Variants in ING4 observed in about 807,000 individuals in gnomAD.
The protein encoded by ING4 is inhibitor of growth protein 4.
A neutral mutation model predicts 33.1 loss-of-function variants in ING4; 28 were observed. The ratio of observed to expected loss-of-function variants is 0.85; its 90% CI spans 0.63 to 1.16. The LOEUF is 1.16. Among genes scored for constraint, ING4 ranks in the 50% most tolerant of loss-of-function variants. The pLI is 0.00. For missense variants in ING4, 247 were observed against 314.7 expected, an observed-to-expected ratio of 0.78 and a Z score of 1.63; for synonymous variants, 87 against 104.4, an observed-to-expected ratio of 0.83 and a Z score of 1.02.
chr12:6,651,077 G>T lies in ING4; in HGVS notation c.*118C>A, dbSNP rs1172843515. 1.8e-6 allele frequency: 2 copies of T among 1,132,534 alleles called. No homozygotes were observed. The highest frequency in any genetic ancestry group is 1.3e-5 in the South Asian group (1 of 75,688). The allele number at this position is 1,132,534 out of a possible 1,614,324, so 70.2% of individuals were successfully genotyped here. On this transcript the variant is annotated 3_prime_UTR_variant, in exon 8 of 8. Transcript: ENST00000341550. ...GTGGGGAGAGGGGAGGAGAAGGGATGACAGCACTGTGCCATCCACTCCTCC... is the reference window on the plus strand; with the variant it reads ...GTGGGGAGAGGGGAGGAGAAGGGATTACAGCACTGTGCCATCCACTCCTCC...
In ING4 at chr12:6,650,630, TACATGTGAGTTATCTGC is replaced by T. The variant is rs1949150218; in HGVS notation, c.*548_*564del. On this transcript the variant is annotated 3_prime_UTR_variant, in exon 8 of 8. Transcript: ENST00000341550. ...TTTATTTACCTACCCAAGTTCCTTT[TACATGTGAGTTATCTGC>T]ATTCCACCTTGCCCCCTCTCCCAGG... 6.4e-6 allele frequency: 1 copy of T among 155,758 alleles called. No individual in the cohort carries two copies. The highest frequency in any genetic ancestry group is 2.4e-5 in the African/African-American group (1 of 41,496). The allele number at this position is 155,758 out of a possible 1,614,324, so 9.6% of individuals were successfully genotyped here.
At chr12:6,653,433 T>C in intron 2 of ING4, 37 bp from the exon 3 acceptor site, 1 of 1,591,846 alleles carries the variant, frequency 6.3e-7, no homozygotes, top group Non-Finnish European at 8.6e-7. Context: ...CAATGGCCCC[T>C]GAGTGGCTAG....
At position 6,659,327 on chromosome 12, in the gene ING4, G is replaced by A. The variant is rs539835353; in HGVS notation, c.38-2529C>T. On this transcript the variant is annotated intron_variant, in intron 1 of 7. Transcript: ENST00000341550. ...TTCTAGCACTTTGGGAGGCCGAGGC[G>A]GGTGGCTCACTTGAAGCCAGGAGTT... 1.3e-4 allele frequency among the ~76,000 whole-genome samples: 20 copies of A among 152,008 alleles called. 1 individual carries two copies. In the East Asian group the frequency reaches 1.4e-3, roughly 10 times the overall value.
Position 6,651,009 on chromosome 12 carries a change from G to T in ING4, c.*186C>A. ...AGAGCACATACCGTTAGTGGCTGCG[G>T]CACCCCTCCCTACCAGGGTCTGATG... On this transcript the variant is annotated 3_prime_UTR_variant, in exon 8 of 8. Coordinates refer to ENST00000341550, the MANE Select transcript of ING4 (RefSeq NM_016162.4). 1.5e-6 allele frequency: 1 copy of T among 665,992 alleles called. No individual in the cohort carries two copies. Among genetic ancestry groups the T allele is most frequent in the Non-Finnish European group, 2.6e-6 (1 of 377,718 alleles). The allele number at this position is 665,992 out of a possible 1,614,324, so 41.3% of individuals were successfully genotyped here.
intron 1 of ING4, among the ~76,000 whole-genome samples, chr12:6,658,372 G>A (rs1949439578): frequency 6.6e-6 from 1 of 151,876 alleles, no homozygotes; most frequent in Non-Finnish European, 1.5e-5. Flanking sequence ...CCATATAGTA[G>A]CCAGAATGTC....
chr12:6,658,668 A>G (rs976670380), intron 1 of ING4, among the ~76,000 whole-genome samples: 2 of 152,224 alleles, frequency 1.3e-5, no homozygotes, highest in Non-Finnish European at 2.9e-5. Flanking sequence ...CCTGGATGAC[A>G]GAGCAAGACA....
At chr12:6,655,774 A>G in intron 2 of ING4, 1 of 456,618 alleles carries the variant, frequency 2.2e-6, no homozygotes, top group Non-Finnish European at 4.3e-6. Flanking sequence ...GAACATGGCT[A>G]CATAGAATGA....
chr12:6,652,369 AG>A lies in ING4; in HGVS notation c.546del (p.Ser183LeufsTer26). 1 of 1,614,066 alleles carries A rather than the reference AG, an allele frequency of 6.2e-7. No individual in the cohort carries two copies. Among genetic ancestry groups the A allele is most frequent in the South Asian group, 1.1e-5 (1 of 91,072 alleles). On this transcript the variant is annotated frameshift_variant, in exon 6 of 8. Transcript: ENST00000341550. LOFTEE classifies it high-confidence loss of function. ...MPSVTFGSVH[P>X]SDVLDMPVDP... The stretch of plus-strand genomic sequence containing the variant: ...TCCACAGGCATATCCAACACATCAG[AG>A]GGGTGGACACTGCCAAAGGTCACTG...
intron 1 of ING4, among the ~76,000 whole-genome samples, chr12:6,661,795 TTCAG>T (rs943121215): frequency 6.6e-6 from 1 of 152,168 alleles, no homozygotes; most frequent in Non-Finnish European, 1.5e-5. Flanking sequence ...CACTCAGTCA[TTCAG>T]TCAGTCCTTT....
At position 6,652,438 on chromosome 12, in the gene ING4, G is replaced by GA; in HGVS notation, c.498-21dup. On this transcript the variant is annotated intron_variant, in intron 5 of 7. Transcript: ENST00000341550. ...GGACTTCTGCATGCCAAGAGGAAGA[G>GA]AAAGTGTCATCTACAGGAAGGGAAG... 6.2e-7 allele frequency: 1 copy of GA among 1,612,494 alleles called. No individual in the cohort carries two copies. Among genetic ancestry groups the GA allele is most frequent in the Non-Finnish European group, 8.5e-7 (1 of 1,178,828 alleles).
In ING4 at chr12:6,652,727, G is replaced by A. The variant is rs117012163; in HGVS notation, c.432C>T (p.Ser144=). Residue 144 remains serine (S), a synonymous_variant, in exon 5 of 8, where the codon TCC becomes TCT. Transcript: ENST00000341550. ...CTTCTTCATCCGAGTTTTTCCCTTT[G>A]GAACGAGCACGAGCAGCTTTCTTCT... ...QKEKKAARAR[S]KGKNSDEEAP... is the part of the protein sequence containing the mutation. 30,277 of 1,614,002 alleles carry A rather than the reference G, an allele frequency of 0.019. 359 individuals are homozygous for A. Among genetic ancestry groups the A allele is most frequent in the Non-Finnish European group, 0.022 (26,007 of 1,179,938 alleles).
intron 1 of ING4, among the ~76,000 whole-genome samples, chr12:6,661,659 C>T (rs1949558577): frequency 6.6e-6 from 1 of 151,688 alleles, no homozygotes; most frequent in African/African-American, 2.4e-5. Flanking sequence ...CTCCTGACCT[C>T]AAGTGATCTG....
chr12:6,656,875 C>G (rs1949369333), intron 1 of ING4, 77 bp from the exon 2 acceptor site: 6 of 898,182 alleles, frequency 6.7e-6, no homozygotes, highest in Non-Finnish European at 1.0e-5. Context: ...CAGTTCAGGC[C>G]GGACATGGTG....
intron 1 of ING4, 73 bp downstream of exon 1, chr12:6,662,992 G>A: frequency 1.3e-6 from 2 of 1,490,706 alleles, no homozygotes; most frequent in Non-Finnish European, 1.9e-6. Flanking sequence ...GGAACTTAAG[G>A]GCTACAGATC....
intron 1 of ING4, among the ~76,000 whole-genome samples, chr12:6,662,102 A>G (rs552646669): frequency 1.3e-5 from 2 of 152,254 alleles, no homozygotes; most frequent in African/African-American, 2.4e-5. Flanking sequence ...ATAAATATCA[A>G]ACACCCTTGA....
chr12:6,656,453 G>C (rs189674781), intron 2 of ING4: 1 of 326,070 alleles, frequency 3.1e-6, no homozygotes, highest in Admixed American at 5.6e-5. Flanking sequence ...GGGATTACAG[G>C]TGTGAGCCAG....
chr12:6,652,572 T>C lies in ING4; in HGVS notation c.497+90A>G, dbSNP rs183903268. The C allele has an allele frequency of 3.1e-5, 44 of 1,398,138 alleles. No individual in the cohort carries two copies. In the East Asian group the frequency reaches 8.7e-4, roughly 28 times the overall value. The allele number at this position is 1,398,138 out of a possible 1,614,324, so 86.6% of individuals were successfully genotyped here. On this transcript the variant is annotated intron_variant, in intron 5 of 7. Transcript: ENST00000341550. ...AAGAAGAGTTCTTGGCGCAGACATATAGAAAGCGGCAGGGGGCGGTGCAGG... is the reference window on the plus strand; with the variant it reads ...AAGAAGAGTTCTTGGCGCAGACATACAGAAAGCGGCAGGGGGCGGTGCAGG...
In ING4 at chr12:6,653,011, G is replaced by T; in HGVS notation, c.316C>A (p.Arg106Ser). 1.9e-6 allele frequency: 3 copies of T among 1,614,012 alleles called. No homozygotes were observed. Among genetic ancestry groups the T allele is most frequent in the Non-Finnish European group, 2.5e-6 (3 of 1,180,014 alleles). Residue 106 changes from arginine to serine, a missense_variant, in exon 4 of 8, where the codon CGT becomes AGT. By Grantham distance (110) the Arg-to-Ser change is moderately radical. Around this residue, in one of 3 missense-constraint regions of ING4, gnomAD observed 198 missense variants for 221.2 expected, o/e 0.89. Transcript: ENST00000341550. ...TTCTCCTTGAGATCAGCCTCAAAAC[G>T]GGCCAGGTCTGTGTCCAGCCGCCGA... ...HIRRLDTDLA[R>S]FEADLKEKQI...
intron 1 of ING4, among the ~76,000 whole-genome samples, chr12:6,658,217 C>T (rs1198269628): frequency 1.3e-5 from 2 of 151,886 alleles, no homozygotes; most frequent in African/African-American, 4.8e-5. Context: ...GCCTTGATCT[C>T]CCAAAGTGCT....
Sources: gnomAD v4.1 joint callset for allele counts (sites outside exome capture counted in the v4.1 genomes callset) on GRCh38, gnomAD v4.1.1 for gene constraint, gnomAD v4.1.1 regional missense constraint, MANE v1.5 for transcripts, NCBI Gene and HGNC (gene_info 2026-07-23, HGNC 2026-07-21) for gene names.